The following ZNRF2 variants were observed in gnomAD, a reference collection of about 807,000 sequenced individuals.
The protein encoded by ZNRF2 is zinc and ring finger 2, also known as E3 ubiquitin-protein ligase ZNRF2.
Under a neutral mutation model 20.4 loss-of-function variants are expected in ZNRF2, and 16 were observed. The ratio of observed to expected loss-of-function variants is 0.79; its 90% CI spans 0.53 to 1.19. ZNRF2 has a LOEUF of 1.19. ZNRF2 is among the 50% of genes most tolerant of loss of function. The pLI, the probability that ZNRF2 is intolerant of heterozygous loss-of-function variation, is 0.00. For missense variants in ZNRF2, 363 were observed against 332.4 expected (o/e 1.09, Z -0.72); for synonymous variants, 178 against 144.9 (o/e 1.23, Z -1.64).
chr7:30,285,842 C>G lies in ZNRF2; in HGVS notation c.469+16C>G, dbSNP rs1798775574. On this transcript the variant is annotated intron_variant, in intron 1 of 4. Transcript: ENST00000323037. The stretch of plus-strand genomic sequence containing the variant: ...ATGTTTGGAGGTACGGACCCCTCTC[C>G]GCGCACCCGCGCTCGGTCCTCCCGC... 2.0e-6 allele frequency: 3 copies of G among 1,479,160 alleles called. No homozygotes were observed. The highest frequency in any genetic ancestry group is 1.8e-6 in the Non-Finnish European group (2 of 1,123,136). The allele number at this position is 1,479,160 out of a possible 1,614,324, so 91.6% of individuals were successfully genotyped here. A position where few individuals can be genotyped will look rare whatever the true frequency, so the allele number is the denominator to read the frequency against.
Position 30,366,166 on chromosome 7 carries a change from T to C in ZNRF2, c.*154T>C, listed in dbSNP as rs951845667. 6.8e-4 allele frequency: 103 copies of C among 152,506 alleles called. No individual in the cohort carries two copies. Among genetic ancestry groups the C allele is most frequent in the Middle Eastern group, 3.4e-3 (1 of 294 alleles). 9.4% of individuals were successfully genotyped at this position (152,506 alleles called of 1,614,324 possible). On this transcript the variant is annotated 3_prime_UTR_variant, in exon 5 of 5. Coordinates refer to ENST00000323037, the MANE Select transcript of ZNRF2 (RefSeq NM_147128.4). Reference sequence around the variant, plus strand: ...GACTTGGTAATACAGAGATGGACAATCGTACTGGGGTAAAAAAACCCTGCT... The same window carrying C: ...GACTTGGTAATACAGAGATGGACAACCGTACTGGGGTAAAAAAACCCTGCT...
intron 1 of ZNRF2, among the ~76,000 whole-genome samples, chr7:30,307,332 T>G (rs9638863): frequency 1.4e-3 from 177 of 127,528 alleles, no homozygotes; most frequent in South Asian, 0.011. Context: ...TTTTGTTTTT[T>G]TTTTTTTTTT....
intron 1 of ZNRF2, among the ~76,000 whole-genome samples, chr7:30,287,736 A>G (rs1798818149): frequency 6.6e-6 from 1 of 151,430 alleles, no homozygotes; most frequent in South Asian, 2.1e-4. Flanking sequence ...AGGAACTTAC[A>G]GCAGCCTTTC....
intron 2 of ZNRF2, among the ~76,000 whole-genome samples, chr7:30,351,211 T>C (rs1373009066): frequency 6.6e-6 from 1 of 152,012 alleles, no homozygotes; most frequent in Non-Finnish European, 1.5e-5. Flanking sequence ...TAACAGAAGT[T>C]TGTAACTAGT....
chr7:30,290,222 C>T (rs1300227506), intron 1 of ZNRF2, among the ~76,000 whole-genome samples: 2 of 152,196 alleles, frequency 1.3e-5, no homozygotes, highest in Non-Finnish European at 2.9e-5. Flanking sequence ...TTGGACAAAA[C>T]ATAGGCCTTT....
intron 2 of ZNRF2, among the ~76,000 whole-genome samples, chr7:30,346,478 T>G (rs977680306): frequency 6.6e-6 from 1 of 152,100 alleles, no homozygotes; most frequent in Non-Finnish European, 1.5e-5. Flanking sequence ...CATGAGCCAC[T>G]GTGCCTGGCC....
chr7:30,326,795 A>G (rs1475362563), intron 2 of ZNRF2, among the ~76,000 whole-genome samples: 2 of 151,994 alleles, frequency 1.3e-5, no homozygotes, highest in Non-Finnish European at 2.9e-5. Context: ...CCTCTCCAAC[A>G]TGTATTTTTT....
intron 1 of ZNRF2, among the ~76,000 whole-genome samples, chr7:30,313,787 C>A (rs1479862012): frequency 2.0e-5 from 3 of 152,180 alleles, no homozygotes; most frequent in Admixed American, 6.5e-5. Flanking sequence ...TGTGATCATT[C>A]TGTACCCTCA....
chr7:30,311,080 C>T (rs1203585473), intron 1 of ZNRF2, among the ~76,000 whole-genome samples: 2 of 152,170 alleles, frequency 1.3e-5, no homozygotes, highest in Non-Finnish European at 2.9e-5. Flanking sequence ...GGTGATTCTT[C>T]TGACCAGTCT....
At chr7:30,299,274 C>T (rs1302923258) in intron 1 of ZNRF2, among the ~76,000 whole-genome samples, 1 of 152,026 alleles carries the variant, frequency 6.6e-6, no homozygotes, top group East Asian at 1.9e-4. Context: ...CAAAAATTAG[C>T]CGAGCGTAGT....
chr7:30,346,673 A>T (rs1241269898), intron 2 of ZNRF2, among the ~76,000 whole-genome samples: 3 of 151,876 alleles, frequency 2.0e-5, no homozygotes, highest in Non-Finnish European at 4.4e-5. Context: ...TCCTGCATCT[A>T]TTTAAGTGTT....
chr7:30,343,483 C>T (rs1264368335), intron 2 of ZNRF2, among the ~76,000 whole-genome samples: 1 of 152,074 alleles, frequency 6.6e-6, no homozygotes, highest in African/African-American at 2.4e-5. Flanking sequence ...CTGTTTTTCT[C>T]TATATTGCAT....
intron 2 of ZNRF2, among the ~76,000 whole-genome samples, chr7:30,354,611 A>G (rs914425276): frequency 3.9e-5 from 6 of 152,204 alleles, no homozygotes; most frequent in Non-Finnish European, 7.3e-5. Context: ...TCAAACAAAT[A>G]CTTAACTTTA....
chr7:30,286,522 G>A (rs1798793490), intron 1 of ZNRF2, among the ~76,000 whole-genome samples: 1 of 152,176 alleles, frequency 6.6e-6, no homozygotes, highest in Non-Finnish European at 1.5e-5. Context: ...TACAATAATT[G>A]GCTAGGTTCT....
intron 2 of ZNRF2, among the ~76,000 whole-genome samples, chr7:30,329,383 A>G (rs1799602143): frequency 6.6e-6 from 1 of 152,144 alleles, no homozygotes. Flanking sequence ...ACTAGGTCTT[A>G]TTCCTTTTAT....
At chr7:30,311,439 A>C (rs1799290966) in intron 1 of ZNRF2, among the ~76,000 whole-genome samples, 1 of 152,200 alleles carries the variant, frequency 6.6e-6, no homozygotes, top group Admixed American at 6.5e-5. Flanking sequence ...ATAGCTAAGG[A>C]AGTATATAAT....
chr7:30,355,803 G>A lies in ZNRF2; in HGVS notation c.641G>A (p.Arg214Gln). 1.2e-6 allele frequency: 2 copies of A among 1,613,254 alleles called. No individual in the cohort carries two copies. The highest frequency in any genetic ancestry group is 1.7e-6 in the Non-Finnish European group (2 of 1,179,522). The change falls in exon 3 of 5, where the codon CGA (arginine) becomes CAA (glutamine). Residue 214 changes from arginine to glutamine, a missense_variant. Physicochemically the swap from Arg to Gln is conservative, Grantham distance 43. Around this residue, in one of 2 missense-constraint regions of ZNRF2, gnomAD observed 61 missense variants for 100.9 expected, o/e 0.60. Coordinates refer to ENST00000323037, the MANE Select transcript of ZNRF2 (RefSeq NM_147128.4). ...TTGCAGCAGGGAGATACTATAGCAC[G>A]ACTGCCTTGTCTATGCATATATCAT... ...EELQQGDTIA[R>Q]LPCLCIYHKG...
intron 1 of ZNRF2, among the ~76,000 whole-genome samples, chr7:30,295,202 G>A (rs1344981890): frequency 6.6e-6 from 1 of 151,994 alleles, no homozygotes; most frequent in Non-Finnish European, 1.5e-5. Context: ...TTTCAGGCCT[G>A]AAGGGAGTAC....
At chr7:30,341,532 T>G (rs1444595055) in intron 2 of ZNRF2, among the ~76,000 whole-genome samples, 1 of 151,602 alleles carries the variant, frequency 6.6e-6, no homozygotes, top group Non-Finnish European at 1.5e-5. Context: ...TCAGTTTCCA[T>G]GTAGTTGTGC....
Sources: allele counts gnomAD v4.1 joint callset (sites outside exome capture counted in the v4.1 genomes callset), GRCh38; gene constraint gnomAD v4.1.1; regional missense constraint gnomAD v4.1.1; transcripts MANE v1.5; gene names NCBI Gene and HGNC (gene_info 2026-07-23, HGNC 2026-07-21).